Variants in EPHA5 observed in about 807,000 individuals in gnomAD.
EPHA5 encodes EPH receptor A5.
In EPHA5, 60 loss-of-function variants were observed where a neutral mutation model predicts 105.0. That is an observed-to-expected ratio of 0.57 (90% CI 0.46 to 0.71). EPHA5 has a LOEUF of 0.71. Ranked by LOEUF, EPHA5 falls within the 30% of genes least tolerant of loss-of-function variation. EPHA5 has a pLI of 0.00. For missense variants in EPHA5, 1,218 were observed against 1,274.7 expected, an observed-to-expected ratio of 0.96 and a Z score of 0.68; for synonymous variants, 513 against 449.1, an observed-to-expected ratio of 1.14 and a Z score of -1.80.
chr4:65,337,464 A>C (rs1721292939), intron 14 of EPHA5, among the ~76,000 whole-genome samples: 1 of 151,936 alleles, frequency 6.6e-6, no homozygotes, highest in Admixed American at 6.6e-5. Context: ...ATTTTTAAGC[A>C]TTGGAAAGAA....
intron 8 of EPHA5, among the ~76,000 whole-genome samples, chr4:65,396,105 C>A (rs1217173587): frequency 1.3e-5 from 2 of 152,204 alleles, no homozygotes; most frequent in Admixed American, 1.3e-4. Context: ...TAGGCTCAGA[C>A]GTGCCTGCTC....
chr4:65,520,137 G>T (rs1398379247), intron 3 of EPHA5, among the ~76,000 whole-genome samples: 1 of 152,032 alleles, frequency 6.6e-6, no homozygotes, highest in Non-Finnish European at 1.5e-5. Context: ...ATACTACAAG[G>T]CTACAGTAAC....
At chr4:65,650,572 A>AAAAAAAAAAAAAAAAAAAAAAAAAAAAC (rs1748523215) in intron 1 of EPHA5, among the ~76,000 whole-genome samples, 1 of 150,466 alleles carries the variant, frequency 6.6e-6, no homozygotes, top group African/African-American at 2.4e-5. Context: ...AAAAAAAAAA[A>AAAAAAAAAAAAAAAAAAAAAAAAAAAAC]GAGCTAGTTG....
chr4:65,533,203 G>A (rs936441349), intron 3 of EPHA5, among the ~76,000 whole-genome samples: 1 of 151,682 alleles, frequency 6.6e-6, no homozygotes, highest in Non-Finnish European at 1.5e-5. Context: ...CCTTCTCCTT[G>A]GTAGGCTTGC....
intron 3 of EPHA5, among the ~76,000 whole-genome samples, chr4:65,556,121 A>G (rs1738413159): frequency 6.6e-6 from 1 of 152,204 alleles, no homozygotes; most frequent in Non-Finnish European, 1.5e-5. Context: ...AAATATCAGT[A>G]GCCAGTTCTG....
intron 3 of EPHA5, among the ~76,000 whole-genome samples, chr4:65,545,946 A>C (rs773462102): frequency 3.3e-5 from 5 of 151,946 alleles, no homozygotes; most frequent in Non-Finnish European, 7.4e-5. Flanking sequence ...TACTATACTC[A>C]GTGGTTTGTA....
rs560268383 is a variant in EPHA5, at chr4:65,655,244, C to T, written c.182-11817G>A. On this transcript the variant is annotated intron_variant, in intron 1 of 16. Coordinates refer to ENST00000613740, the MANE Select transcript of EPHA5 (RefSeq NM_001281766.3). ...ATATATACATGTGAGTAAATATACA[C>T]TGTTTTTTTGAAGTGTGGTATTTCT... Among the ~76,000 whole-genome samples, 57 of 152,172 alleles carry T rather than the reference C, an allele frequency of 3.7e-4. No individual in the cohort carries two copies. The East Asian group carries it at 8.3e-3, about 22-fold the overall frequency.
chr4:65,410,684 A>G (rs1722830209), intron 7 of EPHA5, among the ~76,000 whole-genome samples: 1 of 152,210 alleles, frequency 6.6e-6, no homozygotes, highest in Non-Finnish European at 1.5e-5. Flanking sequence ...AAATATTACC[A>G]TGGTGAAAAC....
chr4:65,477,326 A>G (rs6829925), intron 5 of EPHA5, among the ~76,000 whole-genome samples: 144,851 of 152,256 alleles, frequency 0.95, 69,050 homozygotes, highest in East Asian at 1. Flanking sequence ...TGGCTCTAGT[A>G]TAAGAATTGG....
At chr4:65,654,251 A>T (rs1748867291) in intron 1 of EPHA5, among the ~76,000 whole-genome samples, 1 of 151,862 alleles carries the variant, frequency 6.6e-6, no homozygotes, top group South Asian at 2.1e-4. Flanking sequence ...GAAAAAAAAA[A>T]AAACAAAACT....
At chr4:65,584,243 T>A (rs4434310) in intron 3 of EPHA5, among the ~76,000 whole-genome samples, 1 of 151,698 alleles carries the variant, frequency 6.6e-6, no homozygotes, top group Non-Finnish European at 1.5e-5. Flanking sequence ...ATATAATGTG[T>A]TTCTCTTCTG....
intron 1 of EPHA5, among the ~76,000 whole-genome samples, chr4:65,663,547 G>A (rs1217059370): frequency 6.6e-5 from 10 of 151,902 alleles, no homozygotes; most frequent in African/African-American, 2.4e-4. Flanking sequence ...GTATCTTATA[G>A]CACTTTTTCC....
chr4:65,464,323 G>GT (rs1326375390), intron 5 of EPHA5, among the ~76,000 whole-genome samples: 1 of 151,756 alleles, frequency 6.6e-6, no homozygotes, highest in Non-Finnish European at 1.5e-5. Context: ...AATTACTGAC[G>GT]TGCCTACAAA....
intron 3 of EPHA5, among the ~76,000 whole-genome samples, chr4:65,507,244 G>C (rs1039391404): frequency 6.6e-6 from 1 of 152,126 alleles, no homozygotes; most frequent in Non-Finnish European, 1.5e-5. Context: ...TTTGGTACCA[G>C]TACCATGCTG....
intron 15 of EPHA5, among the ~76,000 whole-genome samples, chr4:65,334,262 G>A (rs1426085737): frequency 3.9e-5 from 6 of 151,944 alleles, no homozygotes; most frequent in Non-Finnish European, 4.4e-5. Flanking sequence ...AGAGTATAAA[G>A]GTGAATAGAT....
At chr4:65,521,290 A>C (rs1334412303) in intron 3 of EPHA5, among the ~76,000 whole-genome samples, 1 of 151,948 alleles carries the variant, frequency 6.6e-6, no homozygotes, top group Admixed American at 6.6e-5. Context: ...AACCAAACAC[A>C]GCATGTTCTC....
At chr4:65,639,353 C>A (rs1385067921) in intron 2 of EPHA5, among the ~76,000 whole-genome samples, 5 of 152,130 alleles carry the variant, frequency 3.3e-5, no homozygotes, top group Non-Finnish European at 7.4e-5. Context: ...AGGCAGTTTT[C>A]CTGGATATTG....
chr4:65,596,982 A>G (rs1743256913), intron 3 of EPHA5, among the ~76,000 whole-genome samples: 1 of 152,296 alleles, frequency 6.6e-6, no homozygotes, highest in East Asian at 1.9e-4. Context: ...CGAATGATCG[A>G]CATTCTACTC....
At chr4:65,370,412 CAG>C (rs904458785) in intron 8 of EPHA5, among the ~76,000 whole-genome samples, 29 of 151,688 alleles carry the variant, frequency 1.9e-4, no homozygotes, top group Non-Finnish European at 1.5e-5. Flanking sequence ...TAAAATTATC[CAG>C]AGATTTATGT....
Sources: gnomAD v4.1 joint callset for allele counts (sites outside exome capture counted in the v4.1 genomes callset) on GRCh38, gnomAD v4.1.1 for gene constraint, MANE v1.5 for transcripts, NCBI Gene and HGNC (gene_info 2026-07-23, HGNC 2026-07-21) for gene names.